The following JARID2 variants were observed in gnomAD, a reference collection of about 807,000 sequenced individuals.
JARID2 encodes jumonji and AT-rich interaction domain containing 2.
In JARID2, 21 loss-of-function variants were observed where a neutral mutation model predicts 125.6. That is an observed-to-expected ratio of 0.17 (90% CI 0.12 to 0.24). JARID2 has a LOEUF of 0.24. Among genes scored for constraint, JARID2 ranks in the 10% least tolerant of loss-of-function variants. The probability of loss-of-function intolerance (pLI) is 1.00; values close to 1 mark genes in which losing one functional copy is unlikely to be tolerated. For missense variants in JARID2, 1,303 were observed against 1,639.6 expected, an observed-to-expected ratio of 0.79 and a Z score of 3.55; for synonymous variants, 736 against 661.6, an observed-to-expected ratio of 1.11 and a Z score of -1.73.
intron 1 of JARID2, among the ~76,000 whole-genome samples, chr6:15,289,230 C>T (rs1030295910): frequency 5.9e-5 from 9 of 151,668 alleles, no homozygotes; most frequent in East Asian, 1.9e-4. Context: ...TAAGGCAGGG[C>T]GAGAGCAAAA....
intron 3 of JARID2, among the ~76,000 whole-genome samples, chr6:15,425,484 T>C (rs1049463242): frequency 2.6e-5 from 4 of 152,154 alleles, no homozygotes; most frequent in Admixed American, 6.5e-5. Context: ...TGTTCCCCAA[T>C]GTAGAGGTGT....
chr6:15,352,773 A>G (rs1420974573), intron 1 of JARID2, among the ~76,000 whole-genome samples: 1 of 152,206 alleles, frequency 6.6e-6, no homozygotes, highest in Non-Finnish European at 1.5e-5. Flanking sequence ...GTAAGTCTAA[A>G]TTCACTGTAA....
At chr6:15,494,346 A>C (rs986407069) in intron 6 of JARID2, among the ~76,000 whole-genome samples, 10 of 148,644 alleles carry the variant, frequency 6.7e-5, no homozygotes, top group African/African-American at 2.5e-4. Context: ...GGTAGGGCCC[A>C]GTGATGTGTT....
At chr6:15,495,543 G>A (rs1042835893) in intron 6 of JARID2, among the ~76,000 whole-genome samples, 9 of 152,180 alleles carry the variant, frequency 5.9e-5, no homozygotes, top group Admixed American at 2.0e-4. Flanking sequence ...CCTGCCACCC[G>A]GAGCCAAACC....
At chr6:15,508,941 A>T (rs754617813) in intron 12 of JARID2, 2 of 1,287,452 alleles carry the variant, frequency 1.6e-6, no homozygotes, top group South Asian at 2.5e-5. Flanking sequence ...AAACCGTGGT[A>T]TTTCATGATT....
chr6:15,302,288 C>T (rs746962074), intron 1 of JARID2, among the ~76,000 whole-genome samples: 16 of 152,046 alleles, frequency 1.1e-4, no homozygotes, highest in African/African-American at 3.1e-4. Context: ...TGGTGGCGTG[C>T]GCCTGTAATC....
At chr6:15,335,508 ACTGTTTTAGAAGTTCT>A (rs1762848607) in intron 1 of JARID2, among the ~76,000 whole-genome samples, 6 of 151,874 alleles carry the variant, frequency 4.0e-5, no homozygotes, top group Admixed American at 3.9e-4. Context: ...GACAGGTTTG[ACTGTTTTAGAAGTTCT>A]CTGCTCTTCC....
At chr6:15,276,161 C>T (rs1292043844) in intron 1 of JARID2, among the ~76,000 whole-genome samples, 1 of 152,124 alleles carries the variant, frequency 6.6e-6, no homozygotes, top group Non-Finnish European at 1.5e-5. Context: ...TTTAAGCTGC[C>T]TAAGTTGACT....
chr6:15,506,190 G>GAGTTGGCC (rs902591257), intron 9 of JARID2, among the ~76,000 whole-genome samples: 2 of 152,216 alleles, frequency 1.3e-5, no homozygotes, highest in African/African-American at 4.8e-5. Flanking sequence ...ACAGCCCCTG[G>GAGTTGGCC]AGTTGGCCAC....
At chr6:15,362,231 G>A (rs1763824081) in intron 1 of JARID2, among the ~76,000 whole-genome samples, 1 of 152,100 alleles carries the variant, frequency 6.6e-6, no homozygotes, top group African/African-American at 2.4e-5. Context: ...ATCAGTTTAA[G>A]TGTTATTGAG....
At chr6:15,517,089 G>GCTCCTACCTT (rs1190738160) in intron 16 of JARID2, 72 bp from the exon 17 acceptor site, 3 of 1,146,948 alleles carry the variant, frequency 2.6e-6, no homozygotes, top group Non-Finnish European at 3.9e-6. Flanking sequence ...GGCCGGGCGT[G>GCTCCTACCTT]CTCCTACCTT....
chr6:15,376,775 C>T (rs1194397917), intron 2 of JARID2, among the ~76,000 whole-genome samples: 1 of 152,110 alleles, frequency 6.6e-6, no homozygotes, highest in Non-Finnish European at 1.5e-5. Context: ...AGTGTACTTT[C>T]TTATTTTGGG....
At chr6:15,338,874 T>A (rs1018733803) in intron 1 of JARID2, among the ~76,000 whole-genome samples, 18 of 152,190 alleles carry the variant, frequency 1.2e-4, no homozygotes, top group African/African-American at 4.3e-4. Flanking sequence ...AGTTTTCAGA[T>A]GACCCTGATA....
chr6:15,499,918 T>C (rs2237114), intron 7 of JARID2, among the ~76,000 whole-genome samples: 118,486 of 152,070 alleles, frequency 0.78, 46,170 homozygotes, highest in Admixed American at 0.82. Flanking sequence ...TAGTGGGTCC[T>C]GTCATGCTTG....
intron 5 of JARID2, among the ~76,000 whole-genome samples, chr6:15,478,488 TC>T (rs1184018169): frequency 6.6e-6 from 1 of 151,884 alleles, no homozygotes; most frequent in Non-Finnish European, 1.5e-5. Flanking sequence ...ACTTGTATAG[TC>T]AATTGTGTCA....
At chr6:15,361,904 T>C (rs1763807601) in intron 1 of JARID2, among the ~76,000 whole-genome samples, 1 of 150,430 alleles carries the variant, frequency 6.6e-6, no homozygotes, top group African/African-American at 2.5e-5. Flanking sequence ...TTTTTTTTTT[T>C]TTTTTTTTTC....
intron 3 of JARID2, among the ~76,000 whole-genome samples, chr6:15,421,467 C>T (rs918758667): frequency 2.0e-5 from 3 of 150,162 alleles, no homozygotes; most frequent in African/African-American, 7.3e-5. Context: ...AAAAAAAATT[C>T]AAAATTAATA....
At chr6:15,470,290 C>T (rs1330452630) in intron 5 of JARID2, among the ~76,000 whole-genome samples, 3 of 152,064 alleles carry the variant, frequency 2.0e-5, no homozygotes, top group South Asian at 2.1e-4. Flanking sequence ...ACATACTTTA[C>T]TTAGGACCCA....
intron 1 of JARID2, among the ~76,000 whole-genome samples, chr6:15,338,289 C>T (rs558166320): frequency 1.3e-5 from 2 of 152,298 alleles, no homozygotes; most frequent in African/African-American, 4.8e-5. Context: ...AACCAGTTCT[C>T]TTCACCACTC....
Sources: allele counts gnomAD v4.1 joint callset (sites outside exome capture counted in the v4.1 genomes callset), GRCh38; gene constraint gnomAD v4.1.1; transcripts MANE v1.5; gene names NCBI Gene and HGNC (gene_info 2026-07-23, HGNC 2026-07-21).